TPGS2: variants seen among roughly 807,000 people sequenced by gnomAD.
TPGS2 encodes tubulin polyglutamylase complex subunit 2.
A neutral mutation model predicts 31.1 loss-of-function variants in TPGS2; 26 were observed. That is an observed-to-expected ratio of 0.84 (90% CI 0.61 to 1.16). The LOEUF is 1.16. Ranked by LOEUF, TPGS2 falls within the 50% of genes most tolerant of loss-of-function variation. TPGS2 has a pLI of 0.00. For missense variants in TPGS2, 351 were observed against 363.8 expected (o/e 0.96, Z 0.29); for synonymous variants, 130 against 136.6 (o/e 0.95, Z 0.34).
chr18:36,810,813 C>T (rs1278353095), intron 2 of TPGS2, among the ~76,000 whole-genome samples: 1 of 152,154 alleles, frequency 6.6e-6, no homozygotes, highest in African/African-American at 2.4e-5. Context: ...AGGACCTGAG[C>T]CACTTTTTTG....
chr18:36,800,560 G>T (rs1376231470), intron 4 of TPGS2, among the ~76,000 whole-genome samples: 1 of 152,218 alleles, frequency 6.6e-6, no homozygotes, highest in African/African-American at 2.4e-5. Context: ...GGAGGCATGA[G>T]AAAGCAAACT....
chr18:36,808,076 TAG>T (rs1313574769), intron 2 of TPGS2, 142 bp from the exon 3 acceptor site: 2 of 786,864 alleles, frequency 2.5e-6, no homozygotes, highest in African/African-American at 3.5e-5. Flanking sequence ...AAAACTCTAT[TAG>T]AGAGGCACTG....
At chr18:36,789,558 T>C (rs1251605556), downstream of TPGS2, 1 of 152,224 alleles carries the variant, frequency 6.6e-6, no homozygotes, top group Non-Finnish European at 1.5e-5. Flanking sequence ...GGAAGTTTTA[T>C]GTTAAATTTA....
intron 2 of TPGS2, among the ~76,000 whole-genome samples, chr18:36,812,472 T>C (rs2045472763): frequency 6.6e-6 from 1 of 152,152 alleles, no homozygotes; most frequent in East Asian, 1.9e-4. Context: ...TTGAAGAGCT[T>C]CCGGACAGCT....
chr18:36,811,385 A>C (rs1336539204), intron 2 of TPGS2, among the ~76,000 whole-genome samples: 3 of 152,168 alleles, frequency 2.0e-5, no homozygotes, highest in Non-Finnish European at 4.4e-5. Context: ...AGCCAAAGGA[A>C]AGGTAGCATA....
At chr18:36,807,981 G>T (rs889480249) in intron 2 of TPGS2, 47 bp from the exon 3 acceptor site, 2 of 1,593,264 alleles carry the variant, frequency 1.3e-6, no homozygotes, top group Non-Finnish European at 1.7e-6. Context: ...TGGGAAAGAG[G>T]GTACAGGGCT....
intron 1 of TPGS2, among the ~76,000 whole-genome samples, chr18:36,822,228 A>G (rs2045926882): frequency 6.6e-6 from 1 of 152,250 alleles, no homozygotes; most frequent in Non-Finnish European, 1.5e-5. Context: ...TTTCCGGGGA[A>G]GAAACACTGC....
downstream of TPGS2, among the ~76,000 whole-genome samples, chr18:36,793,797 G>A (rs984618114): frequency 2.0e-5 from 3 of 151,334 alleles, no homozygotes; most frequent in Non-Finnish European, 2.9e-5. Context: ...GAATACAGTG[G>A]TATGATCTCG....
chr18:36,805,610 T>C (rs2045083674), intron 3 of TPGS2, 108 bp from the exon 4 acceptor site: 1 of 1,444,840 alleles, frequency 6.9e-7, no homozygotes, highest in Non-Finnish European at 9.5e-7. Flanking sequence ...TTTCGCCCCA[T>C]GGCTGACGAA....
intron 2 of TPGS2, among the ~76,000 whole-genome samples, chr18:36,810,367 C>T (rs1284597111): frequency 3.3e-5 from 5 of 151,822 alleles, no homozygotes; most frequent in African/African-American, 4.8e-5. Flanking sequence ...TTTTTCTGGC[C>T]AGTGACTCAG....
chr18:36,788,654 A>G (rs1600719782), intron 6 of TPGS2: 1 of 152,166 alleles, frequency 6.6e-6, no homozygotes, highest in Admixed American at 6.5e-5. Flanking sequence ...AGATTAACCT[A>G]GCTGGTCTTC....
chr18:36,780,179 A>C, downstream of TPGS2: 1 of 1,231,802 alleles, frequency 8.1e-7, no homozygotes, highest in East Asian at 3.2e-5. Flanking sequence ...CGGCCTTCAG[A>C]TCCTTTGGGC....
At chr18:36,821,300 G>A (rs1237998427) in intron 1 of TPGS2, among the ~76,000 whole-genome samples, 1 of 152,122 alleles carries the variant, frequency 6.6e-6, no homozygotes, top group Non-Finnish European at 1.5e-5. Flanking sequence ...AGACATTAGC[G>A]TGTAGAAGCC....
chr18:36,806,850 TAAAAAAAAAAAAAAA>T (rs397962723), intron 3 of TPGS2, among the ~76,000 whole-genome samples: 17 of 37,338 alleles, frequency 4.6e-4, no homozygotes, highest in Admixed American at 3.3e-3. Context: ...GACTCCATCT[TAAAAAAAAAAAAAAA>T]AAAAAAAAAA....
chr18:36,799,431 C>T (rs890913600), intron 5 of TPGS2, among the ~76,000 whole-genome samples: 6 of 152,180 alleles, frequency 3.9e-5, no homozygotes, highest in Non-Finnish European at 7.4e-5. Context: ...AATTGTCATT[C>T]CCCACAAATC....
At chr18:36,819,451 T>G (rs1183317625) in intron 1 of TPGS2, among the ~76,000 whole-genome samples, 2 of 152,166 alleles carry the variant, frequency 1.3e-5, no homozygotes, top group Non-Finnish European at 2.9e-5. Flanking sequence ...CAAAGCTGGG[T>G]TAACATAAAA....
downstream of TPGS2, among the ~76,000 whole-genome samples, chr18:36,782,763 G>A (rs1352310685): frequency 5.9e-5 from 9 of 152,166 alleles, no homozygotes; most frequent in Non-Finnish European, 5.9e-5. Context: ...CATCTCTGCC[G>A]CTTCCTTGCC....
intron 2 of TPGS2, among the ~76,000 whole-genome samples, chr18:36,811,196 T>C (rs2045409663): frequency 6.6e-6 from 1 of 152,168 alleles, no homozygotes; most frequent in African/African-American, 2.4e-5. Flanking sequence ...GGGAGGACAT[T>C]CCATGAAGTG....
At chr18:36,787,975 C>T (rs929119143) in intron 6 of TPGS2, among the ~76,000 whole-genome samples, 7 of 151,946 alleles carry the variant, frequency 4.6e-5, no homozygotes, top group African/African-American at 1.7e-4. Flanking sequence ...CTTTCTAAAC[C>T]TATCTATCTA....
Sources: allele counts gnomAD v4.1 joint callset (sites outside exome capture counted in the v4.1 genomes callset), GRCh38; gene constraint gnomAD v4.1.1; transcripts MANE v1.5; gene names NCBI Gene and HGNC (gene_info 2026-07-23, HGNC 2026-07-21).